Variants in DDX19A observed in about 807,000 individuals in gnomAD.
DDX19A encodes DEAD-box helicase 19A.
DDX19A carries 12 observed loss-of-function variants against 60.6 expected under a neutral mutation model. That is an observed-to-expected ratio of 0.20 (90% CI 0.13 to 0.32). The LOEUF is 0.32. Among genes scored for constraint, DDX19A ranks in the 10% least tolerant of loss-of-function variants. DDX19A has a pLI of 1.00. For synonymous variants in DDX19A, 206 were observed against 218.2 expected, an observed-to-expected ratio of 0.94 and a Z score of 0.49; for missense variants, 337 against 600.6, an observed-to-expected ratio of 0.56 and a Z score of 4.59.
chr16:70,355,950 A>T (rs1243559822), intron 3 of DDX19A, 162 bp from the exon 4 acceptor site: 2 of 876,020 alleles, frequency 2.3e-6, no homozygotes, highest in Non-Finnish European at 3.4e-6. Context: ...TGACAGCAAG[A>T]CCCCATCTCT....
chr16:70,358,560 T>C (rs1335660071), intron 4 of DDX19A, among the ~76,000 whole-genome samples: 1 of 151,998 alleles, frequency 6.6e-6, no homozygotes, highest in Non-Finnish European at 1.5e-5. Flanking sequence ...AGTTATACTT[T>C]AGGTCGGGCA....
chr16:70,366,948 C>A, intron 9 of DDX19A, 87 bp downstream of exon 9: 1 of 1,502,750 alleles, frequency 6.7e-7, no homozygotes. Context: ...CCCCTGAGCG[C>A]CATGGAAAGA....
intron 9 of DDX19A, among the ~76,000 whole-genome samples, chr16:70,369,577 A>T (rs939511717): frequency 6.6e-6 from 1 of 150,666 alleles, no homozygotes; most frequent in Non-Finnish European, 1.5e-5. Context: ...GCCCCAGGTT[A>T]AATATTTTTG....
chr16:70,359,329 T>G (rs1351480396), intron 4 of DDX19A, among the ~76,000 whole-genome samples: 1 of 152,176 alleles, frequency 6.6e-6, no homozygotes, highest in East Asian at 1.9e-4. Context: ...TATGAAAGAT[T>G]ATGTTTTTAA....
intron 4 of DDX19A, among the ~76,000 whole-genome samples, chr16:70,360,425 A>G (rs995498612): frequency 5.3e-5 from 8 of 150,420 alleles, no homozygotes; most frequent in African/African-American, 1.5e-4. Flanking sequence ...GCCTCAGGCA[A>G]TCCTCCTGCC....
At position 70,356,045 on chromosome 16, in the gene DDX19A, AAG is replaced by A. The variant is rs528108963; in HGVS notation, c.158-64_158-63del. 2,312 of 1,602,610 alleles carry A rather than the reference AAG, an allele frequency of 1.4e-3. 6 individuals are homozygous for A. The highest frequency in any genetic ancestry group is 2.2e-3 in the Admixed American group (132 of 59,640). Reference sequence around the variant, plus strand: ...CCAGGTGCTAGTGTGGAGAGGGAGAAAGAGTGGCTTCATAAGCCTGGGGTTTG... The same window carrying A: ...CCAGGTGCTAGTGTGGAGAGGGAGAAAGTGGCTTCATAAGCCTGGGGTTTG... On this transcript the variant is annotated intron_variant, in intron 3 of 11. Coordinates refer to ENST00000302243, the MANE Select transcript of DDX19A (RefSeq NM_018332.5).
At chr16:70,356,450 G>A (rs923087123) in intron 4 of DDX19A, among the ~76,000 whole-genome samples, 1 of 151,742 alleles carries the variant, frequency 6.6e-6, no homozygotes, top group Non-Finnish European at 1.5e-5. Context: ...TCTGCCTCCC[G>A]GGTTCAAGCG....
intron 9 of DDX19A, among the ~76,000 whole-genome samples, 197 bp downstream of exon 9, chr16:70,367,058 C>T (rs1328727941): frequency 6.6e-6 from 1 of 152,152 alleles, no homozygotes; most frequent in East Asian, 1.9e-4. Flanking sequence ...AGCCCCTGAA[C>T]TTTATGTCTT....
intron 1 of DDX19A, 118 bp downstream of exon 1, chr16:70,347,166 C>T: frequency 2.1e-6 from 2 of 974,804 alleles, no homozygotes; most frequent in Non-Finnish European, 3.1e-6. Context: ...CTGCAGTTTG[C>T]TAGGGCAGTC....
chr16:70,366,533 C>T (rs1964525001), intron 8 of DDX19A, 91 bp from the exon 9 acceptor site: 3 of 1,546,198 alleles, frequency 1.9e-6, no homozygotes, highest in South Asian at 1.2e-5. Flanking sequence ...ATCAGCCTTC[C>T]TGGGCATCTA....
rs573150730 is a variant in DDX19A, at chr16:70,362,163, C to T, written c.386+653C>T. Among the ~76,000 whole-genome samples the T allele has an allele frequency of 5.5e-4, 81 of 148,534 alleles. No homozygotes were observed. In the Middle Eastern group the frequency reaches 0.021, roughly 38 times the overall value. On this transcript the variant is annotated intron_variant, in intron 5 of 11. Coordinates refer to ENST00000302243, the MANE Select transcript of DDX19A (RefSeq NM_018332.5). ...GTACTCTAGCCTGGTGACAGCAAGA[C>T]CCTGTCTCAAAAAAAAAAAAAAACT...
In DDX19A at chr16:70,372,499, TCTC is replaced by T. The variant is rs1335827676; in HGVS notation, c.*516_*518del. On this transcript the variant is annotated 3_prime_UTR_variant, in exon 12 of 12. Coordinates refer to ENST00000302243, the MANE Select transcript of DDX19A (RefSeq NM_018332.5). ...CTCCTGCCCTTGGGGCTGTCTTCCT[TCTC>T]CTGAAATCCAGAGACTTTCTTGCTC... 11 of 161,616 alleles carry T rather than the reference TCTC, an allele frequency of 6.8e-5. No homozygotes were observed. Among genetic ancestry groups the T allele is most frequent in the Non-Finnish European group, 1.5e-4 (11 of 74,146 alleles). The allele number at this position is 161,616 out of a possible 1,614,324, so 10.0% of individuals were successfully genotyped here. A position where few individuals can be genotyped will look rare whatever the true frequency, so the allele number is the denominator to read the frequency against.
At chr16:70,357,767 T>C (rs991766308) in intron 4 of DDX19A, among the ~76,000 whole-genome samples, 6 of 152,106 alleles carry the variant, frequency 3.9e-5, no homozygotes, top group Non-Finnish European at 7.4e-5. Context: ...TGCTGGATGT[T>C]ACAAGGAACA....
intron 10 of DDX19A, 111 bp from the exon 11 acceptor site, chr16:70,371,261 C>A: frequency 1.3e-6 from 2 of 1,597,650 alleles, no homozygotes. Flanking sequence ...TGGCCTGTCC[C>A]AAATTCTTTC....
intron 1 of DDX19A, chr16:70,347,292 A>G (rs759233343): frequency 1.8e-6 from 1 of 561,960 alleles, no homozygotes; most frequent in Non-Finnish European, 3.2e-6. Flanking sequence ...GCATGCTGTC[A>G]TTCCTCTATT....
intron 2 of DDX19A, among the ~76,000 whole-genome samples, chr16:70,351,081 G>T (rs1435692638): frequency 6.7e-6 from 1 of 149,504 alleles, no homozygotes; most frequent in Non-Finnish European, 1.5e-5. Context: ...ATAGGGTTTC[G>T]CCGTGTTAGC....
chr16:70,355,206 G>A (rs768883212), intron 2 of DDX19A, among the ~76,000 whole-genome samples: 4 of 151,958 alleles, frequency 2.6e-5, no homozygotes, highest in African/African-American at 9.7e-5. Flanking sequence ...GTGAAACCCC[G>A]TCTCTACTAA....
intron 7 of DDX19A, 41 bp downstream of exon 7, chr16:70,365,172 G>A: frequency 1.4e-6 from 2 of 1,403,952 alleles, no homozygotes; most frequent in Non-Finnish European, 2.0e-6. Flanking sequence ...AGCAGGGTAG[G>A]GGGTTGGGCG....
chr16:70,367,749 T>C (rs942392436), intron 9 of DDX19A, among the ~76,000 whole-genome samples: 1 of 150,538 alleles, frequency 6.6e-6, no homozygotes, highest in African/African-American at 2.4e-5. Context: ...TGGTGGTGCA[T>C]GCCTGTAATC....
Sources: gnomAD v4.1 joint callset for allele counts (sites outside exome capture counted in the v4.1 genomes callset) on GRCh38, gnomAD v4.1.1 for gene constraint, MANE v1.5 for transcripts, NCBI Gene and HGNC (gene_info 2026-07-23, HGNC 2026-07-21) for gene names.